Variants in GABRA2 observed in about 807,000 individuals in gnomAD.
The protein encoded by GABRA2 is gamma-aminobutyric acid receptor subunit alpha-2.
Under a neutral mutation model 48.7 loss-of-function variants are expected in GABRA2, and 16 were observed. That is an observed-to-expected ratio of 0.33 (90% confidence interval 0.22 to 0.50). GABRA2 has a LOEUF of 0.50. Among genes scored for constraint, GABRA2 ranks in the 20% least tolerant of loss-of-function variants. GABRA2 has a pLI of 0.98. For missense variants in GABRA2, 275 were observed against 535.6 expected, an observed-to-expected ratio of 0.51 and a Z score of 4.80; for synonymous variants, 185 against 184.5, an observed-to-expected ratio of 1.00 and a Z score of -0.02.
At chr4:46,364,936 C>CT in intron 3 of GABRA2, 1 of 152,282 alleles carries the variant, frequency 6.6e-6, no homozygotes, top group African/African-American at 2.4e-5. Flanking sequence ...ATTCTATCTC[C>CT]TACTCATTTC....
At chr4:46,374,820 C>T (rs974953387) in intron 3 of GABRA2, among the ~76,000 whole-genome samples, 1 of 147,536 alleles carries the variant, frequency 6.8e-6, no homozygotes, top group Non-Finnish European at 1.5e-5. Flanking sequence ...TCTAAGAATA[C>T]TGATATGCTT....
intron 8 of GABRA2, among the ~76,000 whole-genome samples, chr4:46,273,759 G>A (rs1822016): frequency 0.62 from 94,676 of 151,576 alleles, 30,197 homozygotes; most frequent in South Asian, 0.76. Flanking sequence ...TCTGTTTCTT[G>A]TATCTCTGCC....
At position 46,249,361 on chromosome 4, in the gene GABRA2, T is replaced by A. The variant is rs1455628501; in HGVS notation, c.*947A>T. 6.6e-6 allele frequency: 1 copy of A among 151,320 alleles called. No individual in the cohort carries two copies. The highest frequency in any genetic ancestry group is 2.4e-5 in the African/African-American group (1 of 41,294). 9.4% of individuals were successfully genotyped at this position (151,320 alleles called of 1,614,324 possible). On this transcript the variant is annotated 3_prime_UTR_variant, in exon 10 of 10. Transcript: ENST00000381620. The stretch of plus-strand genomic sequence containing the variant: ...CAGTAAACAGGAAAGAGGAGAATCA[T>A]ATAAGTGTTTGTCATAGTGTGGGGC...
At chr4:46,354,500 T>C (rs1295950547) in intron 3 of GABRA2, among the ~76,000 whole-genome samples, 2 of 152,082 alleles carry the variant, frequency 1.3e-5, no homozygotes, top group African/African-American at 4.8e-5. Flanking sequence ...GGAACAAGGG[T>C]GAATTTTAAT....
intron 3 of GABRA2, among the ~76,000 whole-genome samples, chr4:46,352,922 T>C (rs941782300): frequency 7.2e-5 from 11 of 152,104 alleles, no homozygotes; most frequent in Non-Finnish European, 2.9e-5. Context: ...TCTGAAAGTC[T>C]TCACTGTCTT....
chr4:46,254,604 G>A (rs1223534150), intron 9 of GABRA2, among the ~76,000 whole-genome samples: 1 of 151,376 alleles, frequency 6.6e-6, no homozygotes, highest in African/African-American at 2.4e-5. Context: ...TTTTAAAAAA[G>A]GTAATGTTAC....
At chr4:46,311,176 G>C (rs559640272) in intron 5 of GABRA2, among the ~76,000 whole-genome samples, 2 of 152,284 alleles carry the variant, frequency 1.3e-5, no homozygotes, top group East Asian at 3.9e-4. Context: ...GTCAACAGGG[G>C]CATTGCATCT....
Position 46,244,071 on chromosome 4 carries a change from T to C in GABRA2, c.*6237A>G, listed in dbSNP as rs1713254085. 1.3e-5 allele frequency: 2 copies of C among 151,650 alleles called. No individual in the cohort carries two copies. Among genetic ancestry groups the C allele is most frequent in the South Asian group, 4.1e-4 (2 of 4,822 alleles). 9.4% of individuals were successfully genotyped at this position (151,650 alleles called of 1,614,324 possible). A position where few individuals can be genotyped will look rare whatever the true frequency, so the allele number is the denominator to read the frequency against. On this transcript the variant is annotated 3_prime_UTR_variant, in exon 10 of 10. Transcript: ENST00000381620. ...AGACCAACAATTTTAAAATCAAGTG[T>C]AGTGCAGGCACCCAAGATTAACAAG...
At chr4:46,298,068 A>G (rs1725075165) in intron 8 of GABRA2, among the ~76,000 whole-genome samples, 1 of 152,010 alleles carries the variant, frequency 6.6e-6, no homozygotes, top group Non-Finnish European at 1.5e-5. Context: ...AGTTATTTCT[A>G]GCTTTATTCC....
intron 9 of GABRA2, among the ~76,000 whole-genome samples, chr4:46,255,367 TA>T (rs1280952646): frequency 1.3e-5 from 2 of 151,658 alleles, no homozygotes; most frequent in Non-Finnish European, 3.0e-5. Context: ...TCTACAATTC[TA>T]TTATGTAAGT....
At chr4:46,387,124 G>A (rs1431450532) in intron 2 of GABRA2, among the ~76,000 whole-genome samples, 1 of 151,868 alleles carries the variant, frequency 6.6e-6, no homozygotes, top group Non-Finnish European at 1.5e-5. Flanking sequence ...GAATGAATCA[G>A]AGATTTAAAT....
At chr4:46,284,561 G>T (rs755273026) in intron 8 of GABRA2, among the ~76,000 whole-genome samples, 7 of 152,118 alleles carry the variant, frequency 4.6e-5, no homozygotes, top group African/African-American at 7.2e-5. Context: ...AAGAAATCAG[G>T]CTGGCTCCAA....
At chr4:46,322,122 A>C (rs1442694873) in intron 4 of GABRA2, among the ~76,000 whole-genome samples, 2 of 151,978 alleles carry the variant, frequency 1.3e-5, no homozygotes, top group African/African-American at 4.8e-5. Flanking sequence ...AAAAACACAG[A>C]AAAAGAAGAG....
At chr4:46,261,903 A>T (rs1577799713) in intron 9 of GABRA2, 23 bp downstream of exon 9, 1 of 1,589,058 alleles carries the variant, frequency 6.3e-7, no homozygotes, top group African/African-American at 1.3e-5. Flanking sequence ...CTTAATAATG[A>T]TAACACGGAA....
chr4:46,331,856 T>C (rs1731415680), intron 4 of GABRA2, among the ~76,000 whole-genome samples: 1 of 152,072 alleles, frequency 6.6e-6, no homozygotes, highest in Non-Finnish European at 1.5e-5. Flanking sequence ...ATCAGCCTTC[T>C]GACCACAGGC....
intron 3 of GABRA2, among the ~76,000 whole-genome samples, chr4:46,347,163 C>T (rs549317296): frequency 6.6e-6 from 1 of 151,844 alleles, no homozygotes; most frequent in Non-Finnish European, 1.5e-5. Context: ...AATATCCATG[C>T]CATCAAAAGT....
At chr4:46,362,864 T>C (rs1713431510) in intron 3 of GABRA2, among the ~76,000 whole-genome samples, 2 of 152,228 alleles carry the variant, frequency 1.3e-5, no homozygotes, top group African/African-American at 4.8e-5. Context: ...TGGGTGATAT[T>C]ATATGCAGGA....
intron 4 of GABRA2, among the ~76,000 whole-genome samples, chr4:46,331,293 C>CA (rs1163345524): frequency 6.6e-6 from 1 of 152,130 alleles, no homozygotes; most frequent in Non-Finnish European, 1.5e-5. Context: ...ACCCATCAAC[C>CA]ACATGGGGCC....
rs140468556 is a variant in GABRA2, at chr4:46,292,995, C to A, written c.856+10465G>T. On this transcript the variant is annotated intron_variant, in intron 8 of 9. Coordinates refer to ENST00000381620, the MANE Select transcript of GABRA2 (RefSeq NM_000807.4). Reference sequence around the variant, plus strand: ...AGTTGGCAGGGGTAAAGTAGTGGCACTCAACCCTCAAAGGCAAGGTGGGTG... The same window carrying A: ...AGTTGGCAGGGGTAAAGTAGTGGCAATCAACCCTCAAAGGCAAGGTGGGTG... Among the ~76,000 whole-genome samples the A allele has an allele frequency of 5.5e-3, 844 of 152,242 alleles. 5 individuals are homozygous for A. The highest frequency in any genetic ancestry group is 8.1e-3 in the Non-Finnish European group (548 of 68,024).
Sources: allele counts gnomAD v4.1 joint callset (sites outside exome capture counted in the v4.1 genomes callset), GRCh38; gene constraint gnomAD v4.1.1; transcripts MANE v1.5; gene names NCBI Gene and HGNC (gene_info 2026-07-23, HGNC 2026-07-21).